The following EPHA5 variants were observed in gnomAD, a reference collection of about 807,000 sequenced individuals.
EPHA5 encodes EPH receptor A5.
In EPHA5, 60 loss-of-function variants were observed where a neutral mutation model predicts 105.0. The observed-to-expected ratio is 0.57, with a 90% CI of 0.46 to 0.71. The LOEUF is 0.71. EPHA5 is among the 30% of genes least tolerant of loss of function. The pLI is 0.00. For synonymous variants in EPHA5, 513 were observed against 449.1 expected (o/e 1.14, Z -1.80); for missense variants, 1,218 against 1,274.7 (o/e 0.96, Z 0.68).
chr4:65,513,975 G>C (rs1208190116), intron 3 of EPHA5, among the ~76,000 whole-genome samples: 1 of 152,046 alleles, frequency 6.6e-6, no homozygotes, highest in African/African-American at 2.4e-5. Context: ...TCTAGTGACT[G>C]TTCTTCTACT....
At chr4:65,336,150 C>T (rs2148814331) in intron 14 of EPHA5, 25 bp from the exon 15 acceptor site, 1 of 1,553,132 alleles carries the variant, frequency 6.4e-7, no homozygotes, top group East Asian at 2.3e-5. Flanking sequence ...ACAGAACCAG[C>T]ACCCCAACAC....
At chr4:65,634,968 C>T (rs1746984624) in intron 2 of EPHA5, among the ~76,000 whole-genome samples, 1 of 151,906 alleles carries the variant, frequency 6.6e-6, no homozygotes, top group South Asian at 2.1e-4. Flanking sequence ...AAATTATACA[C>T]AAAACACGCA....
At chr4:65,667,275 T>C (rs549040301) in intron 1 of EPHA5, among the ~76,000 whole-genome samples, 112 of 152,292 alleles carry the variant, frequency 7.4e-4, no homozygotes, top group Admixed American at 1.5e-3. Context: ...GAATCTATAT[T>C]TCACAGAGCA....
intron 2 of EPHA5, among the ~76,000 whole-genome samples, chr4:65,636,363 G>A (rs1296945831): frequency 6.6e-6 from 1 of 152,046 alleles, no homozygotes; most frequent in African/African-American, 2.4e-5. Context: ...CTGGGTACCC[G>A]CCAGAACCTG....
intron 2 of EPHA5, among the ~76,000 whole-genome samples, chr4:65,635,571 T>C (rs1277557934): frequency 6.6e-6 from 1 of 152,094 alleles, no homozygotes; most frequent in Non-Finnish European, 1.5e-5. Flanking sequence ...CAGGTGTATC[T>C]TGTGATCTTA....
intron 3 of EPHA5, among the ~76,000 whole-genome samples, chr4:65,506,173 A>T (rs1009265845): frequency 7.9e-5 from 12 of 152,294 alleles, no homozygotes; most frequent in African/African-American, 2.4e-4. Flanking sequence ...TACAAAGGAC[A>T]TGAACTCATC....
Position 65,601,663 on chromosome 4 carries a change from T to G in EPHA5, c.888A>C (p.Glu296Asp), listed in dbSNP as rs1322728192. 3 of 1,613,916 alleles carry G rather than the reference T, an allele frequency of 1.9e-6. No individual in the cohort carries two copies. In the Admixed American group the frequency reaches 5.0e-5, roughly 27 times the overall value. Residue 296 changes from glutamate (E) to aspartate (D), a missense_variant, in exon 3 of 17, where the codon GAA becomes GAC. Around this residue, in one of 3 missense-constraint regions of EPHA5, gnomAD observed 971 missense variants for 1,013.5 expected, o/e 0.96. Coordinates refer to ENST00000613740, the MANE Select transcript of EPHA5 (RefSeq NM_001281766.3). The stretch of plus-strand genomic sequence containing the variant: ...TACCTTGACAGGTGCCATTTTTCTC[T>G]TCATATCCTGCCTTGCACATGCATT... ...IGKCMCKAGY[E>D]EKNGTCQVCR... is the part of the protein sequence containing the mutation.
chr4:65,425,428 A>G (rs1363965059), intron 5 of EPHA5, among the ~76,000 whole-genome samples: 1 of 152,008 alleles, frequency 6.6e-6, no homozygotes, highest in East Asian at 1.9e-4. Context: ...CTAGGCCACT[A>G]CAGTATTCCA....
intron 5 of EPHA5, among the ~76,000 whole-genome samples, chr4:65,428,641 G>T (rs1005063441): frequency 3.3e-5 from 5 of 151,926 alleles, no homozygotes; most frequent in Admixed American, 6.6e-5. Flanking sequence ...TTAATAAAAA[G>T]AATTTATAAA....
chr4:65,497,273 GT>G (rs1283523434), intron 3 of EPHA5, among the ~76,000 whole-genome samples: 4 of 152,098 alleles, frequency 2.6e-5, no homozygotes, highest in African/African-American at 9.7e-5. Flanking sequence ...ATGATTTCAT[GT>G]TTTAGTAATC....
intron 2 of EPHA5, among the ~76,000 whole-genome samples, chr4:65,639,203 T>G (rs886483245): frequency 6.6e-6 from 1 of 152,220 alleles, no homozygotes; most frequent in Non-Finnish European, 1.5e-5. Flanking sequence ...TGCAGTTTTC[T>G]CAGAAAAAAT....
chr4:65,531,007 T>A (rs779644054), intron 3 of EPHA5, among the ~76,000 whole-genome samples: 32 of 75,628 alleles, frequency 4.2e-4, no homozygotes, highest in African/African-American at 1.5e-3. Context: ...TTTTTTTTTA[T>A]TTTTTTTATT....
intron 3 of EPHA5, among the ~76,000 whole-genome samples, chr4:65,562,073 CTGAT>C (rs1739068728): frequency 5.9e-5 from 9 of 152,108 alleles, no homozygotes; most frequent in Middle Eastern, 3.4e-3. Flanking sequence ...CTTGATTCTT[CTGAT>C]TATTTTGGAT....
intron 8 of EPHA5, among the ~76,000 whole-genome samples, chr4:65,399,555 G>A (rs1721607426): frequency 6.6e-6 from 1 of 152,194 alleles, no homozygotes; most frequent in African/African-American, 2.4e-5. Flanking sequence ...AGGCCAAGCA[G>A]CATAACAGAA....
chr4:65,382,059 C>A (rs1719613757), intron 8 of EPHA5, among the ~76,000 whole-genome samples: 1 of 151,802 alleles, frequency 6.6e-6, no homozygotes, highest in South Asian at 2.1e-4. Flanking sequence ...ACATGAATTT[C>A]TTTGAAAAAT....
At chr4:65,540,998 A>C (rs1350951449) in intron 3 of EPHA5, among the ~76,000 whole-genome samples, 1 of 151,368 alleles carries the variant, frequency 6.6e-6, no homozygotes, top group African/African-American at 2.4e-5. Flanking sequence ...ACAATGATGA[A>C]AATACAACCA....
intron 9 of EPHA5, among the ~76,000 whole-genome samples, chr4:65,366,917 A>C (rs1250405617): frequency 7.9e-5 from 12 of 151,804 alleles, no homozygotes; most frequent in Admixed American, 4.0e-4. Context: ...ATTTGAACCA[A>C]GATTGCTGCC....
At chr4:65,326,851 C>G (rs1441088318) in intron 16 of EPHA5, among the ~76,000 whole-genome samples, 1 of 151,006 alleles carries the variant, frequency 6.6e-6, no homozygotes, top group Non-Finnish European at 1.5e-5. Flanking sequence ...AGGAATGAGC[C>G]TTTGAAAATA....
chr4:65,644,519 C>G (rs1392212335), intron 1 of EPHA5, among the ~76,000 whole-genome samples: 4 of 151,988 alleles, frequency 2.6e-5, no homozygotes, highest in African/African-American at 9.7e-5. Context: ...TCTTGAAATG[C>G]TACCATTTCT....
Sources: allele counts gnomAD v4.1 joint callset (sites outside exome capture counted in the v4.1 genomes callset), GRCh38; gene constraint gnomAD v4.1.1; regional missense constraint gnomAD v4.1.1; transcripts MANE v1.5; gene names NCBI Gene and HGNC (gene_info 2026-07-23, HGNC 2026-07-21).